FGF12: variants seen among roughly 807,000 people sequenced by gnomAD.
FGF12 encodes fibroblast growth factor 12.
FGF12 carries 14 observed loss-of-function variants against 23.6 expected under a neutral mutation model. That is an observed-to-expected ratio of 0.59 (90% CI 0.39 to 0.93). The LOEUF (loss-of-function observed/expected upper bound fraction) is 0.93, where lower values mean the gene tolerates loss of function less well. FGF12 is among the 40% of genes least tolerant of loss of function. FGF12 has a pLI of 0.00. For missense variants in FGF12, 175 were observed against 217.8 expected, an observed-to-expected ratio of 0.80 and a Z score of 1.24; for synonymous variants, 62 against 77.3, an observed-to-expected ratio of 0.80 and a Z score of 1.04.
chr3:192,212,853 G>T (rs73191596), intron 4 of FGF12, among the ~76,000 whole-genome samples: 1 of 151,976 alleles, frequency 6.6e-6, no homozygotes. Context: ...TTCAAAAGCT[G>T]GTCCTTGAGC....
At chr3:192,284,970 A>C (rs745788465) in intron 4 of FGF12, among the ~76,000 whole-genome samples, 19 of 152,064 alleles carry the variant, frequency 1.2e-4, no homozygotes, top group Non-Finnish European at 2.8e-4. Flanking sequence ...TGGACTGCCC[A>C]GGAGCTACTT....
At chr3:192,299,336 A>C (rs1715215492) in intron 4 of FGF12, among the ~76,000 whole-genome samples, 1 of 152,164 alleles carries the variant, frequency 6.6e-6, no homozygotes, top group Admixed American at 6.5e-5. Context: ...TGTTGCTGAG[A>C]AATTCTGGAT....
intron 5 of FGF12, among the ~76,000 whole-genome samples, chr3:192,168,616 A>T (rs1560176259): frequency 6.6e-6 from 1 of 152,234 alleles, no homozygotes; most frequent in Admixed American, 6.5e-5. Context: ...AGAATATCAT[A>T]AAGTTCTCTG....
intron 4 of FGF12, among the ~76,000 whole-genome samples, chr3:192,323,492 C>T (rs1238723858): frequency 6.6e-6 from 1 of 152,008 alleles, no homozygotes. Context: ...TTCTTATTTG[C>T]AGGAGTTAAA....
At chr3:192,335,775 A>G (rs1403062204) in intron 3 of FGF12, among the ~76,000 whole-genome samples, 2 of 152,144 alleles carry the variant, frequency 1.3e-5, no homozygotes, top group Non-Finnish European at 2.9e-5. Flanking sequence ...AAACAGTGTA[A>G]TATAAGATAA....
chr3:192,520,647 A>AT (rs552073945), intron 2 of FGF12, among the ~76,000 whole-genome samples: 3 of 152,114 alleles, frequency 2.0e-5, no homozygotes, highest in Admixed American at 6.5e-5. Flanking sequence ...TACTTAAATT[A>AT]TTTTTTTTAT....
At chr3:192,224,560 C>T (rs1371124203) in intron 4 of FGF12, among the ~76,000 whole-genome samples, 1 of 150,970 alleles carries the variant, frequency 6.6e-6, no homozygotes, top group East Asian at 1.9e-4. Context: ...TTCATAGCTA[C>T]TTTTTTTTTA....
At chr3:192,477,108 G>A (rs1342380566) in intron 2 of FGF12, among the ~76,000 whole-genome samples, 1 of 152,142 alleles carries the variant, frequency 6.6e-6, no homozygotes, top group Non-Finnish European at 1.5e-5. Flanking sequence ...AGAGAGAGGG[G>A]CTACCCAAAT....
chr3:192,616,374 T>A (rs1443309211), intron 2 of FGF12, among the ~76,000 whole-genome samples: 1 of 152,094 alleles, frequency 6.6e-6, no homozygotes. Context: ...GTTAGTTTAT[T>A]GTTTATTTAG....
chr3:192,183,998 A>T (rs562215937), intron 4 of FGF12, among the ~76,000 whole-genome samples: 1 of 152,254 alleles, frequency 6.6e-6, no homozygotes, highest in South Asian at 2.1e-4. Context: ...CGAGGTGGGC[A>T]GATCACTTAA....
intron 4 of FGF12, among the ~76,000 whole-genome samples, chr3:192,264,046 G>C (rs1185040161): frequency 1.3e-5 from 2 of 151,976 alleles, no homozygotes; most frequent in Non-Finnish European, 2.9e-5. Context: ...CATCTTTAAA[G>C]CCTGAAACAC....
At chr3:192,489,129 C>T (rs1201378301) in intron 2 of FGF12, among the ~76,000 whole-genome samples, 4 of 152,160 alleles carry the variant, frequency 2.6e-5, no homozygotes, top group Admixed American at 6.6e-5. Flanking sequence ...TAACTGATGA[C>T]TTGCTGGGCC....
At chr3:192,493,191 G>C (rs1342776176) in intron 2 of FGF12, among the ~76,000 whole-genome samples, 1 of 152,114 alleles carries the variant, frequency 6.6e-6, no homozygotes, top group Non-Finnish European at 1.5e-5. Context: ...TGCTGAGACT[G>C]TGTGCCTTTA....
intron 2 of FGF12, among the ~76,000 whole-genome samples, chr3:192,665,788 T>TA (rs34179520): frequency 0.49 from 74,527 of 151,682 alleles, 18,572 homozygotes; most frequent in East Asian, 0.52. Flanking sequence ...GTAAAATTTT[T>TA]AAAAAAAGAA....
chr3:192,181,196 G>A (rs908597413), intron 4 of FGF12, among the ~76,000 whole-genome samples: 1 of 151,986 alleles, frequency 6.6e-6, no homozygotes, highest in African/African-American at 2.4e-5. Context: ...TAAACTTCCG[G>A]GCAAGTCAGA....
intron 5 of FGF12, among the ~76,000 whole-genome samples, chr3:192,151,017 G>C (rs1458319116): frequency 1.4e-5 from 2 of 147,216 alleles, no homozygotes; most frequent in East Asian, 3.9e-4. Context: ...AGTTCTCCTT[G>C]AAGAGGTCCT....
intron 5 of FGF12, among the ~76,000 whole-genome samples, chr3:192,145,313 A>G (rs919997037): frequency 1.3e-5 from 2 of 152,240 alleles, no homozygotes; most frequent in East Asian, 1.9e-4. Context: ...ATAGAAATAA[A>G]TTGTTTTGGC....
chr3:192,347,512 G>A (rs890626379), intron 3 of FGF12, among the ~76,000 whole-genome samples: 1 of 152,172 alleles, frequency 6.6e-6, no homozygotes, highest in Non-Finnish European at 1.5e-5. Flanking sequence ...AGCGGCTGCT[G>A]TCTTCCTTTA....
At chr3:192,698,550 A>AC (rs1000956372) in intron 2 of FGF12, among the ~76,000 whole-genome samples, 13 of 151,970 alleles carry the variant, frequency 8.6e-5, no homozygotes, top group African/African-American at 3.1e-4. Flanking sequence ...TGCGTCAGAC[A>AC]TTATCCTGAG....
Sources: allele counts gnomAD v4.1 joint callset (sites outside exome capture counted in the v4.1 genomes callset), GRCh38; gene constraint gnomAD v4.1.1; transcripts MANE v1.5; gene names NCBI Gene and HGNC (gene_info 2026-07-23, HGNC 2026-07-21).